Variants in PKD1L1 observed in about 807,000 individuals in gnomAD.
PKD1L1 encodes polycystin-1-like protein 1.
A neutral mutation model predicts 323.4 loss-of-function variants in PKD1L1; 236 were observed. That is an observed-to-expected ratio of 0.73 (90% CI 0.66 to 0.81). The LOEUF (loss-of-function observed/expected upper bound fraction) is 0.81. PKD1L1 is among the 40% of genes least tolerant of loss of function. The probability of loss-of-function intolerance (pLI) is 0.00; values close to 1 mark genes in which losing one functional copy is unlikely to be tolerated. For synonymous variants in PKD1L1, 1,344 were observed against 1,335.0 expected (o/e 1.01, Z -0.15); for missense variants, 3,320 against 3,508.0 (o/e 0.95, Z 1.35).
At chr7:47,884,174 G>A (rs1786628768) in intron 19 of PKD1L1, among the ~76,000 whole-genome samples, 1 of 150,780 alleles carries the variant, frequency 6.6e-6, no homozygotes, top group Admixed American at 6.6e-5. Flanking sequence ...TGTTTTGGGG[G>A]TTGGGGGGAA....
chr7:47,939,461 T>C (rs1020799911), intron 3 of PKD1L1, among the ~76,000 whole-genome samples: 1 of 152,154 alleles, frequency 6.6e-6, no homozygotes, highest in Non-Finnish European at 1.5e-5. Context: ...CCAATGCTTA[T>C]TCTGGGTGAA....
chr7:47,877,826 T>C (rs1427328092), intron 21 of PKD1L1, among the ~76,000 whole-genome samples, 195 bp from the exon 22 acceptor site: 1 of 152,098 alleles, frequency 6.6e-6, no homozygotes, highest in Non-Finnish European at 1.5e-5. Flanking sequence ...ACTCAGAAAC[T>C]GAGACTCAGT....
At chr7:47,902,059 A>AAAAGAAAAGAAAAGAAAAGAAAAAAG (rs57445026) in intron 13 of PKD1L1, among the ~76,000 whole-genome samples, 1 of 120,512 alleles carries the variant, frequency 8.3e-6, no homozygotes, top group African/African-American at 2.8e-5. Flanking sequence ...GAAAAGAAAA[A>AAAAGAAAAGAAAAGAAAAGAAAAAAG]AAAGAAAAGA....
At chr7:47,926,158 T>C (rs1197723466) in intron 7 of PKD1L1, among the ~76,000 whole-genome samples, 1 of 152,244 alleles carries the variant, frequency 6.6e-6, no homozygotes, top group Non-Finnish European at 1.5e-5. Context: ...TAAAGGCTGA[T>C]AAGAAACATT....
At chr7:47,784,297 C>T (rs1360536297) in intron 56 of PKD1L1, among the ~76,000 whole-genome samples, 3 of 152,136 alleles carry the variant, frequency 2.0e-5, no homozygotes, top group African/African-American at 7.2e-5. Flanking sequence ...TATTTGTAAG[C>T]CATATCTAGT....
intron 16 of PKD1L1, 81 bp from the exon 17 acceptor site, chr7:47,888,231 T>C (rs937985678): frequency 7.1e-7 from 1 of 1,400,700 alleles, no homozygotes. Flanking sequence ...TTAGGCATGT[T>C]TAAATCACCC....
At chr7:47,834,491 TCTTC>T in intron 39 of PKD1L1, 106 bp from the exon 40 acceptor site, 3 of 901,506 alleles carry the variant, frequency 3.3e-6, no homozygotes, top group Non-Finnish European at 3.5e-6. Flanking sequence ...CAGCAAATAC[TCTTC>T]CTTCCTGACT....
rs377344231 is a variant in PKD1L1, at chr7:47,886,066, G to A, written c.2837-12C>T. The A allele has an allele frequency of 1.3e-4, 204 of 1,588,716 alleles. No individual in the cohort carries two copies. The highest frequency in any genetic ancestry group is 1.7e-4 in the Middle Eastern group (1 of 5,948). ...TCTGCAGAAGGGAACTTAAGCAAAC[G>A]TTTGGCAGTGTTAGAATTTTGCAGC... On this transcript the variant is annotated splice_polypyrimidine_tract_variant and intron_variant, in intron 17 of 56. Coordinates refer to ENST00000289672, the MANE Select transcript of PKD1L1 (RefSeq NM_138295.5).
upstream of PKD1L1, among the ~76,000 whole-genome samples, chr7:47,948,977 A>G (rs1459668825): frequency 6.6e-6 from 1 of 152,100 alleles, no homozygotes; most frequent in East Asian, 1.9e-4. Flanking sequence ...AAACAAAACA[A>G]AAGTGTGTTT....
chr7:47,865,308 A>G, intron 25 of PKD1L1, 36 bp from the exon 26 acceptor site: 2 of 1,567,006 alleles, frequency 1.3e-6, no homozygotes, highest in Non-Finnish European at 1.7e-6. Flanking sequence ...CAAAAAGAAA[A>G]TGCAAGGAGA....
intron 56 of PKD1L1, among the ~76,000 whole-genome samples, chr7:47,786,612 A>T (rs569714983): frequency 1.7e-4 from 26 of 152,374 alleles, no homozygotes; most frequent in African/African-American, 5.8e-4. Flanking sequence ...TCCCCTCTGG[A>T]TGTTCCTGCC....
chr7:47,863,847 C>T (rs1786088642), intron 26 of PKD1L1, among the ~76,000 whole-genome samples: 1 of 151,974 alleles, frequency 6.6e-6, no homozygotes. Flanking sequence ...CACAGTGAGA[C>T]CTTGTCTCTT....
At chr7:47,824,166 C>A (rs1785198795) in intron 45 of PKD1L1, among the ~76,000 whole-genome samples, 1 of 152,190 alleles carries the variant, frequency 6.6e-6, no homozygotes, top group East Asian at 1.9e-4. Context: ...TGGACCAAAT[C>A]TAGGTGCTAA....
intron 2 of PKD1L1, 122 bp downstream of exon 2, chr7:47,943,274 C>A: frequency 6.6e-6 from 5 of 752,312 alleles, no homozygotes; most frequent in Non-Finnish European, 1.1e-5. Context: ...ATCACTCTGA[C>A]CTTCCTTCTG....
intron 56 of PKD1L1, among the ~76,000 whole-genome samples, chr7:47,792,127 T>C (rs1289640731): frequency 1.3e-5 from 2 of 152,202 alleles, no homozygotes; most frequent in African/African-American, 4.8e-5. Context: ...TTAAACTCTT[T>C]AGTGCTCTAT....
chr7:47,916,484 G>A (rs113938051), intron 7 of PKD1L1, among the ~76,000 whole-genome samples: 27 of 152,236 alleles, frequency 1.8e-4, no homozygotes, highest in Admixed American at 3.9e-4. Flanking sequence ...GTGGAGGCTC[G>A]CATAGTCAAT....
Position 47,931,937 on chromosome 7 carries a change from T to C in PKD1L1, c.518A>G (p.Gln173Arg), listed in dbSNP as rs1200472480. Residue 173 changes from glutamine to arginine, a missense_variant and splice_region_variant, in exon 5 of 57, where the codon CAG becomes CGG. Physicochemically the swap from Gln to Arg is conservative, Grantham distance 43. Transcript: ENST00000289672. ...TADSTFSALL[Q>R]LQGTTSAAAP... The stretch of plus-strand genomic sequence containing the variant: ...CAATTGCAGGGGTTAGATACCAACC[T>C]GGAGAAGAGCAGAGAATGTGCTGTC... The C allele has an allele frequency of 1.2e-6, 2 of 1,610,906 alleles. No homozygotes were observed. The highest frequency in any genetic ancestry group is 2.2e-5 in the East Asian group (1 of 44,816).
chr7:47,905,454 G>T, intron 10 of PKD1L1, 129 bp from the exon 11 acceptor site: 1 of 1,045,288 alleles, frequency 9.6e-7, no homozygotes. Flanking sequence ...TGATATGCAT[G>T]CAGATTGGCA....
Position 47,929,292 on chromosome 7 carries a change from C to A in PKD1L1, c.972G>T (p.Met324Ile). 6.2e-7 allele frequency: 1 copy of A among 1,614,142 alleles called. No homozygotes were observed. Residue 324 changes from methionine (M) to isoleucine (I), a missense_variant, in exon 7 of 57, where the codon ATG becomes ATT. Coordinates refer to ENST00000289672, the MANE Select transcript of PKD1L1 (RefSeq NM_138295.5). ...CAACCCCAGAACTGTCCCCGAAATC[C>A]ATCATCAGACAGAGAGCCTCTCCAG... ...MASGEALCLM[M>I]DFGDSSGVEM... is the part of the protein sequence containing the mutation.
Sources: allele counts gnomAD v4.1 joint callset (sites outside exome capture counted in the v4.1 genomes callset), GRCh38; gene constraint gnomAD v4.1.1; transcripts MANE v1.5; gene names NCBI Gene and HGNC (gene_info 2026-07-23, HGNC 2026-07-21).